FNDC3B: variants seen among roughly 807,000 people sequenced by gnomAD.
FNDC3B encodes the protein fibronectin type III domain containing 3B.
A neutral mutation model predicts 151.5 loss-of-function variants in FNDC3B; 12 were observed. That is an observed-to-expected ratio of 0.08 (90% CI 0.05 to 0.13). FNDC3B has a LOEUF of 0.13. FNDC3B is among the 10% of genes least tolerant of loss of function. The pLI is 1.00. For synonymous variants in FNDC3B, 528 were observed against 549.0 expected (o/e 0.96, Z 0.54); for missense variants, 1,214 against 1,505.3 (o/e 0.81, Z 3.20).
intron 3 of FNDC3B, among the ~76,000 whole-genome samples, chr3:172,145,474 C>T (rs1205663336): frequency 6.6e-6 from 1 of 152,196 alleles, no homozygotes; most frequent in Non-Finnish European, 1.5e-5. Context: ...ATGTAAATGT[C>T]AAACTGTTTG....
At chr3:172,086,349 G>T (rs1718545971) in intron 1 of FNDC3B, among the ~76,000 whole-genome samples, 1 of 127,044 alleles carries the variant, frequency 7.9e-6, no homozygotes, top group Non-Finnish European at 1.7e-5. Flanking sequence ...GACAGAGCAA[G>T]ACCTGATCTT....
intron 5 of FNDC3B, among the ~76,000 whole-genome samples, chr3:172,248,591 A>G (rs906610377): frequency 6.6e-6 from 1 of 151,940 alleles, no homozygotes; most frequent in African/African-American, 2.4e-5. Flanking sequence ...TTACTGCTTC[A>G]GACATTTATT....
chr3:172,278,012 G>A (rs1729521530), intron 6 of FNDC3B, among the ~76,000 whole-genome samples: 1 of 152,160 alleles, frequency 6.6e-6, no homozygotes, highest in Non-Finnish European at 1.5e-5. Context: ...CCCATATCAG[G>A]TGATGAGCTT....
intron 3 of FNDC3B, among the ~76,000 whole-genome samples, chr3:172,193,345 C>CCTTCG (rs1307105219): frequency 2.2e-5 from 2 of 91,044 alleles, no homozygotes; most frequent in Admixed American, 2.5e-4. Context: ...CCTTCCCTTC[C>CCTTCG]TTCCTCTAAC....
At chr3:172,377,162 T>C (rs1246700505) in intron 23 of FNDC3B, among the ~76,000 whole-genome samples, 1 of 152,268 alleles carries the variant, frequency 6.6e-6, no homozygotes, top group Non-Finnish European at 1.5e-5. Context: ...TTTTGGATTA[T>C]GATTTTGTTA....
intron 1 of FNDC3B, among the ~76,000 whole-genome samples, chr3:172,075,263 G>A (rs879804627): frequency 6.6e-6 from 1 of 151,968 alleles, no homozygotes. Context: ...TTCTCCATTC[G>A]AGCTAGTGCC....
intron 1 of FNDC3B, among the ~76,000 whole-genome samples, chr3:172,085,099 T>A (rs185430195): frequency 6.6e-6 from 1 of 152,312 alleles, no homozygotes; most frequent in Non-Finnish European, 1.5e-5. Context: ...GATCTTAGAT[T>A]ATGTTTTCAG....
chr3:172,363,205 T>C (rs1210800778), intron 23 of FNDC3B, among the ~76,000 whole-genome samples: 1 of 152,190 alleles, frequency 6.6e-6, no homozygotes, highest in Non-Finnish European at 1.5e-5. Context: ...CAGGAAGAGA[T>C]GTTACCTCTT....
intron 11 of FNDC3B, among the ~76,000 whole-genome samples, chr3:172,316,239 G>A (rs973912523): frequency 6.6e-6 from 1 of 151,910 alleles, no homozygotes; most frequent in Non-Finnish European, 1.5e-5. Context: ...GACCTCAGGT[G>A]ATCACCCAGC....
intron 9 of FNDC3B, 74 bp downstream of exon 9, chr3:172,298,861 A>G: frequency 9.2e-7 from 1 of 1,085,948 alleles, no homozygotes; most frequent in Non-Finnish European, 1.4e-6. Flanking sequence ...ACTCCCTTTT[A>G]AGTTTTTGGT....
chr3:172,088,541 T>C (rs1247968013), intron 1 of FNDC3B, among the ~76,000 whole-genome samples: 1 of 152,244 alleles, frequency 6.6e-6, no homozygotes, highest in African/African-American at 2.4e-5. Flanking sequence ...TAATTATATT[T>C]TGAAATGCAA....
At position 172,286,697 on chromosome 3, in the gene FNDC3B, A is replaced by G. The variant is rs947642466; in HGVS notation, c.849+713A>G. Among the ~76,000 whole-genome samples, 11 of 152,326 alleles carry G rather than the reference A, an allele frequency of 7.2e-5. No individual in the cohort carries two copies. In the East Asian group the frequency reaches 2.1e-3, roughly 29 times the overall value. On this transcript the variant is annotated intron_variant, in intron 7 of 25. Coordinates refer to ENST00000415807, the MANE Select transcript of FNDC3B (RefSeq NM_022763.4). ...TGAGGTGTGTTGAAGGACAGGCATA[A>G]TAAGGCACTTGTAGAGGAGTGGGGT... is the stretch of plus-strand genomic sequence containing the variant.
intron 1 of FNDC3B, among the ~76,000 whole-genome samples, chr3:172,063,066 A>G (rs1270129065): frequency 6.6e-6 from 1 of 152,174 alleles, no homozygotes; most frequent in Non-Finnish European, 1.5e-5. Flanking sequence ...TCCTTTCTTT[A>G]CACGTATCTT....
intron 6 of FNDC3B, among the ~76,000 whole-genome samples, chr3:172,275,932 A>G (rs1469574434): frequency 6.6e-6 from 1 of 152,066 alleles, no homozygotes; most frequent in African/African-American, 2.4e-5. Flanking sequence ...AATCTGTTCT[A>G]TGTTTTTCTG....
Position 172,353,148 on chromosome 3 carries a change from C to T in FNDC3B, c.2795+65C>T, listed in dbSNP as rs568143740. On this transcript the variant is annotated intron_variant, in intron 22 of 25. Coordinates refer to ENST00000415807, the MANE Select transcript of FNDC3B (RefSeq NM_022763.4). ...CACTTGGGGATCTAAGTAAACCTCT[C>T]GGGGAAAATGACCAAGTGGATGTCA... 1.7e-4 allele frequency: 251 copies of T among 1,483,884 alleles called. 1 individual carries two copies. Among genetic ancestry groups the T allele is most frequent in the Admixed American group, 1.6e-3 (85 of 54,700 alleles). The allele number at this position is 1,483,884 out of a possible 1,614,324, so 91.9% of individuals were successfully genotyped here. A position where few individuals can be genotyped will look rare whatever the true frequency, so the allele number is the denominator to read the frequency against.
Position 172,336,347 on chromosome 3 carries a change from G to A in FNDC3B, c.1781-983G>A, listed in dbSNP as rs186335461. ...TGCTCAGAAAATAAAATTCCTTTAG[G>A]CACAGAGTTATGGGTAGACTATATA... On this transcript the variant is annotated intron_variant, in intron 15 of 25. Coordinates refer to ENST00000415807, the MANE Select transcript of FNDC3B (RefSeq NM_022763.4). Among the ~76,000 whole-genome samples, 8 of 152,180 alleles carry A rather than the reference G, an allele frequency of 5.3e-5. No individual in the cohort carries two copies. The East Asian group carries it at 1.5e-3, about 29-fold the overall frequency.
intron 25 of FNDC3B, among the ~76,000 whole-genome samples, chr3:172,392,791 A>ATTTTTTTT (rs1316047886): frequency 1.6e-5 from 1 of 64,438 alleles, no homozygotes; most frequent in Non-Finnish European, 3.8e-5. Flanking sequence ...AACTGAATGA[A>ATTTTTTTT]TTTTTTCTTT....
intron 22 of FNDC3B, among the ~76,000 whole-genome samples, chr3:172,359,738 G>A (rs1027204785): frequency 6.6e-6 from 1 of 152,116 alleles, no homozygotes; most frequent in African/African-American, 2.4e-5. Context: ...TCATATGGGA[G>A]GCAAGGAAGA....
chr3:172,049,312 C>T (rs1670611014), intron 1 of FNDC3B, among the ~76,000 whole-genome samples: 2 of 151,926 alleles, frequency 1.3e-5, no homozygotes, highest in African/African-American at 2.4e-5. Flanking sequence ...ATTTTATTAA[C>T]TGACTTAAAT....
Sources: gnomAD v4.1 joint callset for allele counts (sites outside exome capture counted in the v4.1 genomes callset) on GRCh38, gnomAD v4.1.1 for gene constraint, MANE v1.5 for transcripts, NCBI Gene and HGNC (gene_info 2026-07-23, HGNC 2026-07-21) for gene names.